The following USP6NL variants were observed in gnomAD, a reference collection of about 807,000 sequenced individuals.
USP6NL encodes USP6 N-terminal-like protein.
In USP6NL, 26 loss-of-function variants were observed where a neutral mutation model predicts 61.9. The ratio of observed to expected loss-of-function variants is 0.42; its 90% CI spans 0.31 to 0.58. The LOEUF (loss-of-function observed/expected upper bound fraction) is 0.58. Ranked by LOEUF, USP6NL falls within the 20% of genes least tolerant of loss-of-function variation. The pLI is 0.16. For synonymous variants in USP6NL, 432 were observed against 390.1 expected (o/e 1.11, Z -1.27); for missense variants, 1,114 against 1,034.3 (o/e 1.08, Z -1.06).
intron 1 of USP6NL, among the ~76,000 whole-genome samples, chr10:11,601,314 T>C (rs1838523228): frequency 6.6e-6 from 1 of 152,082 alleles, no homozygotes; most frequent in African/African-American, 2.4e-5. Context: ...TAACAATACG[T>C]TGTTAAGAGA....
Position 11,465,148 on chromosome 10 carries a change from T to C in USP6NL, c.1079-1299A>G, listed in dbSNP as rs1165855187. Among the ~76,000 whole-genome samples the C allele has an allele frequency of 6.6e-6, 1 of 152,188 alleles. No homozygotes were observed. Among genetic ancestry groups the C allele is most frequent in the Non-Finnish European group, 1.5e-5 (1 of 68,022 alleles). ...CAAGAAGATATAAAGACATGAATAA[T>C]AGAAAGACTGAATTTATAAACTTTC... On this transcript the variant is annotated intron_variant, in intron 14 of 14. Transcript: ENST00000609104. The surrounding 1 kb of genome is among the most constrained non-coding windows in gnomAD (Gnocchi z 4.5).
rs1171180771 is a variant in USP6NL at position 11,600,545 on chromosome 10, G to A, written c.-83-2828C>T. Among the ~76,000 whole-genome samples, 1 of 152,100 alleles carries A rather than the reference G, an allele frequency of 6.6e-6. No homozygotes were observed. On this transcript the variant is annotated intron_variant, in intron 1 of 14. Coordinates refer to ENST00000609104, the MANE Select transcript of USP6NL (RefSeq NM_014688.5). The surrounding 1 kb of genome is among the most constrained non-coding windows in gnomAD (Gnocchi z 4.1). Reference sequence around the variant, plus strand: ...CAGCCAAAGATGACTAATACAGACAGTAAAGATAGTAATTTTAAATTCAAA... The same window carrying A: ...CAGCCAAAGATGACTAATACAGACAATAAAGATAGTAATTTTAAATTCAAA...
chr10:11,531,117 C>T lies in USP6NL; in HGVS notation c.5-3550G>A, dbSNP rs977107448. ...AGGACATTATCCCAAAAATTCACACCGCATGTTTATGCTCTCGTTGCATGA... is the reference window on the plus strand; with the variant it reads ...AGGACATTATCCCAAAAATTCACACTGCATGTTTATGCTCTCGTTGCATGA... On this transcript the variant is annotated intron_variant, in intron 2 of 14. Transcript: ENST00000609104. 4.6e-5 allele frequency among the ~76,000 whole-genome samples: 7 copies of T among 152,062 alleles called. No homozygotes were observed. The East Asian group carries it at 9.6e-4, about 21-fold the overall frequency.
intron 2 of USP6NL, among the ~76,000 whole-genome samples, chr10:11,576,181 G>C (rs1217811205): frequency 6.6e-6 from 1 of 151,656 alleles, no homozygotes; most frequent in East Asian, 1.9e-4. Context: ...AAGAATATGA[G>C]AATTGTCTAT....
chr10:11,499,354 C>T lies in USP6NL; in HGVS notation c.384+1747G>A, dbSNP rs779833342. Reference sequence around the variant, plus strand: ...CTGTCAGATTTTACTAAATGGTTCTCTTGTATTAACTGGCCATCTGATAAT... The same window carrying T: ...CTGTCAGATTTTACTAAATGGTTCTTTTGTATTAACTGGCCATCTGATAAT... On this transcript the variant is annotated intron_variant, in intron 7 of 14. Transcript: ENST00000609104. The surrounding 1 kb of genome is among the most constrained non-coding windows in gnomAD (Gnocchi z 4.5). Among the ~76,000 whole-genome samples, 1 of 152,110 alleles carries T rather than the reference C, an allele frequency of 6.6e-6. No homozygotes were observed.
Position 11,463,673 on chromosome 10 carries a change from G to T in USP6NL, c.1255C>A (p.Gln419Lys). 1.2e-6 allele frequency: 2 copies of T among 1,613,910 alleles called. No homozygotes were observed. Among genetic ancestry groups the T allele is most frequent in the Non-Finnish European group, 1.7e-6 (2 of 1,179,858 alleles). Residue 419 changes from glutamine to lysine, a missense_variant, in exon 15 of 15, where the codon CAG becomes AAG. Gln to Lys is a moderately conservative substitution (Grantham distance 53). Transcript: ENST00000609104. This position sits in a 1 kb window ranked among gnomAD's most constrained non-coding sequence, Gnocchi z 6.3. ...HRRHEHSPHPQSRTGTPERAQ... is the reference protein window; with the variant it reads ...HRRHEHSPHPKSRTGTPERAQ... ...CTCTCGGGCGTCCCGGTCCTGCTCT[G>T]GGGGTGCGGGGAGTGCTCGTGCCTC...
intron 14 of USP6NL, among the ~76,000 whole-genome samples, chr10:11,471,711 C>G (rs1348870735): frequency 1.3e-5 from 2 of 150,934 alleles, no homozygotes; most frequent in Non-Finnish European, 2.9e-5. Flanking sequence ...TCATTCTCAG[C>G]AAACTATTGC....
chr10:11,606,974 G>C (rs933422006), intron 1 of USP6NL, among the ~76,000 whole-genome samples: 1 of 152,108 alleles, frequency 6.6e-6, no homozygotes, highest in Non-Finnish European at 1.5e-5. Flanking sequence ...ATTTCTGGTA[G>C]AGATGGAGTT....
intron 2 of USP6NL, among the ~76,000 whole-genome samples, chr10:11,555,011 A>G (rs1836630633): frequency 7.4e-6 from 1 of 135,722 alleles, no homozygotes; most frequent in Non-Finnish European, 1.5e-5. Flanking sequence ...TCACCATGTT[A>G]GCCAGGATGG....
In USP6NL at chr10:11,463,619, C is replaced by A; in HGVS notation, c.1309G>T (p.Glu437Ter). The change falls in exon 15 of 15, where the codon GAG (glutamate) becomes TAG (stop). Residue 437 changes from glutamate to a stop codon, truncating the protein, a stop_gained. Coordinates refer to ENST00000609104, the MANE Select transcript of USP6NL (RefSeq NM_014688.5). LOFTEE classifies it low-confidence loss of function (END_TRUNC). The surrounding 1 kb of genome is among the most constrained non-coding windows in gnomAD (Gnocchi z 6.3). ...RAQPPRRKSVEEESKKLKDEA... is the reference protein window; with the variant it reads ...RAQPPRRKSV The stretch of plus-strand genomic sequence containing the variant: ...TCTTTAAGCTTTTTGCTCTCCTCCT[C>A]CACCGATTTCCGTCTTGGCGGCTGT... 6.2e-7 allele frequency: 1 copy of A among 1,614,030 alleles called. No individual in the cohort carries two copies. The highest frequency in any genetic ancestry group is 8.5e-7 in the Non-Finnish European group (1 of 1,179,896).
chr10:11,536,230 G>A (rs568290398), intron 2 of USP6NL, among the ~76,000 whole-genome samples: 1 of 152,320 alleles, frequency 6.6e-6, no homozygotes, highest in East Asian at 1.9e-4. Context: ...CCTGTAGGAA[G>A]AACTGTTCCA....
At position 11,499,583 on chromosome 10, in the gene USP6NL, T is replaced by C. The variant is rs183301379; in HGVS notation, c.384+1518A>G. ...GAGGGTGGACCCTACATGCAATAACTATTGTCCCTATCAGGAAAGACAGAC... is the reference window on the plus strand; with the variant it reads ...GAGGGTGGACCCTACATGCAATAACCATTGTCCCTATCAGGAAAGACAGAC... On this transcript the variant is annotated intron_variant, in intron 7 of 14. Transcript: ENST00000609104. The surrounding 1 kb of genome is among the most constrained non-coding windows in gnomAD (Gnocchi z 4.5). Among the ~76,000 whole-genome samples, 1 of 152,180 alleles carries C rather than the reference T, an allele frequency of 6.6e-6. No individual in the cohort carries two copies. The highest frequency in any genetic ancestry group is 1.9e-4 in the East Asian group (1 of 5,156).
At chr10:11,555,433 A>AAAAAAATATATAT (rs1275798295) in intron 2 of USP6NL, among the ~76,000 whole-genome samples, 3 of 49,018 alleles carry the variant, frequency 6.1e-5, no homozygotes, top group Non-Finnish European at 6.8e-5. Flanking sequence ...AAAAAAAAAA[A>AAAAAAATATATAT]ATATATATAT....
intron 2 of USP6NL, among the ~76,000 whole-genome samples, chr10:11,545,269 G>A (rs1405712913): frequency 6.6e-6 from 1 of 151,932 alleles, no homozygotes; most frequent in African/African-American, 2.4e-5. Flanking sequence ...ACAGCCAGGA[G>A]GATTTGGGGT....
At position 11,513,790 on chromosome 10, in the gene USP6NL, T is replaced by C. The variant is rs1194458031; in HGVS notation, c.196-4115A>G. On this transcript the variant is annotated intron_variant, in intron 5 of 14. Coordinates refer to ENST00000609104, the MANE Select transcript of USP6NL (RefSeq NM_014688.5). This position sits in a 1 kb window ranked among gnomAD's most constrained non-coding sequence, Gnocchi z 4.7. ...CCAAATTCCCCACTTGCCCCAAGAC[T>C]GTTCTTTATAGCTGGTTTTTTCTGT... 6.6e-6 allele frequency among the ~76,000 whole-genome samples: 1 copy of C among 152,200 alleles called. No individual in the cohort carries two copies. Among genetic ancestry groups the C allele is most frequent in the African/African-American group, 2.4e-5 (1 of 41,464 alleles).
chr10:11,463,074 C>G lies in USP6NL; in HGVS notation c.1854G>C (p.Gln618His), dbSNP rs1358320243. 6.2e-7 allele frequency: 1 copy of G among 1,614,030 alleles called. No homozygotes were observed. Among genetic ancestry groups the G allele is most frequent in the South Asian group, 1.1e-5 (1 of 91,090 alleles). Residue 618 changes from glutamine (Q) to histidine (H), a missense_variant, in exon 15 of 15, where the codon CAG becomes CAC. Gln to His is a conservative substitution (Grantham distance 24). Transcript: ENST00000609104. This position sits in a 1 kb window ranked among gnomAD's most constrained non-coding sequence, Gnocchi z 6.3. ...QPPSHARYPSQLDGEARGLAH... is the reference protein window; with the variant it reads ...QPPSHARYPSHLDGEARGLAH... ...CTAGCCCTCGGGCTTCCCCATCTAG[C>G]TGGGACGGATATCGTGCATGACTTG...
rs1301400762 is a variant in USP6NL, at chr10:11,463,345, G to A, written c.1583C>T (p.Ser528Leu). The A allele has an allele frequency of 6.2e-7, 1 of 1,613,922 alleles. No individual in the cohort carries two copies. ...GGCCTTCATCTTTGGCCGCACGTTTGACACCCGCACCTCGGCAGGACCTGG... is the reference window on the plus strand; with the variant it reads ...GGCCTTCATCTTTGGCCGCACGTTTAACACCCGCACCTCGGCAGGACCTGG... ...TVPGPAEVRV[S>L]NVRPKMKALD... Residue 528 changes from serine to leucine, a missense_variant, in exon 15 of 15, where the codon TCA becomes TTA. Coordinates refer to ENST00000609104, the MANE Select transcript of USP6NL (RefSeq NM_014688.5). This position sits in a 1 kb window ranked among gnomAD's most constrained non-coding sequence, Gnocchi z 6.3.
rs1833623184 is a variant in USP6NL at position 11,489,541 on chromosome 10, T to C, written c.544-319A>G. 6.6e-6 allele frequency among the ~76,000 whole-genome samples: 1 copy of C among 152,250 alleles called. No homozygotes were observed. The highest frequency in any genetic ancestry group is 2.4e-5 in the African/African-American group (1 of 41,470). ...TATGATTCTTAGCTCACTATTCCTC[T>C]TCTTTGCTCAGTTGCTGGCAAAGTC... is the stretch of plus-strand genomic sequence containing the variant. On this transcript the variant is annotated intron_variant, in intron 9 of 14. Transcript: ENST00000609104. This position sits in a 1 kb window ranked among gnomAD's most constrained non-coding sequence, Gnocchi z 5.7.
intron 5 of USP6NL, among the ~76,000 whole-genome samples, chr10:11,514,169 C>G (rs1834852929): frequency 6.6e-6 from 1 of 151,422 alleles, no homozygotes; most frequent in Non-Finnish European, 1.5e-5. Flanking sequence ...AGACAGGGCG[C>G]ATATCATGTT....
Sources: allele counts gnomAD v4.1 joint callset (sites outside exome capture counted in the v4.1 genomes callset), GRCh38; gene constraint gnomAD v4.1.1; non-coding constraint Gnocchi (gnomAD v3.1); transcripts MANE v1.5; gene names NCBI Gene and HGNC (gene_info 2026-07-23, HGNC 2026-07-21).